TBC1D19: variants seen among roughly 807,000 people sequenced by gnomAD.
TBC1D19 encodes TBC1 domain family member 19.
TBC1D19 carries 60 observed loss-of-function variants against 89.0 expected under a neutral mutation model. That is an observed-to-expected ratio of 0.67 (90% CI 0.55 to 0.84). TBC1D19 has a LOEUF of 0.84. Ranked by LOEUF, TBC1D19 falls within the 40% of genes least tolerant of loss-of-function variation. The probability of loss-of-function intolerance (pLI) is 0.00; values close to 1 mark genes in which losing one functional copy is unlikely to be tolerated. For synonymous variants in TBC1D19, 189 were observed against 199.7 expected, an observed-to-expected ratio of 0.95 and a Z score of 0.45; for missense variants, 500 against 610.8, an observed-to-expected ratio of 0.82 and a Z score of 1.91.
the TBC1D19 span, among the ~76,000 whole-genome samples, chr4:26,856,987 A>G: frequency 0.28 from 43,175 of 152,108 alleles, 6,267 homozygotes; most frequent in East Asian, 0.4. Context: ...CAAGACACTT[A>G]AAAAGACTTC....
chr4:26,692,358 A>G (rs1158489577), intron 13 of TBC1D19, among the ~76,000 whole-genome samples: 1 of 152,184 alleles, frequency 6.6e-6, no homozygotes, highest in African/African-American at 2.4e-5. Flanking sequence ...GGCCAAAAAT[A>G]CTAGGGCCTC....
chr4:26,601,918 T>C lies in TBC1D19; in HGVS notation c.100-11251T>C, dbSNP rs184866858. On this transcript the variant is annotated intron_variant, in intron 1 of 20. Transcript: ENST00000264866. ...CGTTTTCCAGTTTCTTTAATTAGAATTGTTTCTTTTTCTATAGGAGGTACC... is the reference window on the plus strand; with the variant it reads ...CGTTTTCCAGTTTCTTTAATTAGAACTGTTTCTTTTTCTATAGGAGGTACC... 9.5e-4 allele frequency among the ~76,000 whole-genome samples: 145 copies of C among 152,320 alleles called. No individual in the cohort carries two copies. The Middle Eastern group carries it at 0.02, about 21-fold the overall frequency.
At chr4:26,630,510 G>C (rs186857394) in intron 4 of TBC1D19, among the ~76,000 whole-genome samples, 127 of 150,024 alleles carry the variant, frequency 8.5e-4, no homozygotes, top group African/African-American at 2.8e-3. Context: ...TTTTTTTTTG[G>C]CATTTCTTCT....
At chr4:26,711,565 C>T (rs530102963) in intron 13 of TBC1D19, among the ~76,000 whole-genome samples, 38 of 152,026 alleles carry the variant, frequency 2.5e-4, no homozygotes, top group South Asian at 6.2e-4. Context: ...TCTTTTGTGG[C>T]TATATGTAGA....
chr4:26,849,628 G>C, the TBC1D19 span, among the ~76,000 whole-genome samples: 1 of 152,174 alleles, frequency 6.6e-6, no homozygotes, highest in Non-Finnish European at 1.5e-5. Flanking sequence ...TTTAATCTCA[G>C]ACGCCCAGCA....
At chr4:26,640,466 A>G (rs1009384288) in intron 7 of TBC1D19, among the ~76,000 whole-genome samples, 1 of 152,188 alleles carries the variant, frequency 6.6e-6, no homozygotes, top group Non-Finnish European at 1.5e-5. Context: ...GAACAGGCCC[A>G]GTCTGCAGCT....
At chr4:26,720,853 C>A (rs1716927203) in intron 15 of TBC1D19, among the ~76,000 whole-genome samples, 1 of 152,044 alleles carries the variant, frequency 6.6e-6, no homozygotes, top group Non-Finnish European at 1.5e-5. Context: ...ATCATCTGTA[C>A]CATGTGGATA....
chr4:26,699,768 A>G (rs1205975856), intron 13 of TBC1D19, among the ~76,000 whole-genome samples: 2 of 152,054 alleles, frequency 1.3e-5, no homozygotes, highest in Non-Finnish European at 2.9e-5. Flanking sequence ...CAAGAACAAA[A>G]AACCAAACAC....
intron 11 of TBC1D19, among the ~76,000 whole-genome samples, chr4:26,683,446 C>T (rs1025026997): frequency 3.3e-5 from 5 of 152,166 alleles, no homozygotes; most frequent in Admixed American, 6.5e-5. Flanking sequence ...TTATAGTTAA[C>T]TTAGCAAATA....
chr4:26,615,323 A>G (rs1741614623), intron 3 of TBC1D19, among the ~76,000 whole-genome samples: 2 of 152,182 alleles, frequency 1.3e-5, no homozygotes, highest in African/African-American at 4.8e-5. Context: ...GTTACTTGTC[A>G]ATTACTTATT....
chr4:26,650,435 G>T (rs1275617155), intron 7 of TBC1D19, among the ~76,000 whole-genome samples: 3 of 152,122 alleles, frequency 2.0e-5, no homozygotes, highest in African/African-American at 7.2e-5. Flanking sequence ...TCTCATTGTG[G>T]TTTTGATTTG....
At chr4:26,643,240 G>T (rs1026505476) in intron 7 of TBC1D19, among the ~76,000 whole-genome samples, 2 of 152,178 alleles carry the variant, frequency 1.3e-5, no homozygotes, top group Non-Finnish European at 2.9e-5. Flanking sequence ...TCAGACCACA[G>T]TGCAATCAAA....
intron 12 of TBC1D19, among the ~76,000 whole-genome samples, chr4:26,684,788 G>T (rs1288974077): frequency 6.6e-6 from 1 of 152,084 alleles, no homozygotes; most frequent in Admixed American, 6.5e-5. Context: ...GTAGAACATG[G>T]CCAGGGGTAA....
chr4:26,638,328 A>C (rs553311683), intron 5 of TBC1D19, among the ~76,000 whole-genome samples: 1 of 150,120 alleles, frequency 6.7e-6, no homozygotes, highest in South Asian at 2.1e-4. Flanking sequence ...GGATACATTT[A>C]TATTAAAAAC....
chr4:26,851,667 T>C, the TBC1D19 span, among the ~76,000 whole-genome samples: 1 of 152,214 alleles, frequency 6.6e-6, no homozygotes, highest in Non-Finnish European at 1.5e-5. Context: ...AGTATTTCTA[T>C]GAGTAGTGAT....
At chr4:26,820,059 A>C in the TBC1D19 span, among the ~76,000 whole-genome samples, 1,753 of 152,300 alleles carry the variant, frequency 0.012, 22 homozygotes, top group Non-Finnish European at 0.017. Context: ...GACAATAATT[A>C]CATATAATTG....
At chr4:26,777,065 A>G in the TBC1D19 span, among the ~76,000 whole-genome samples, 1 of 150,406 alleles carries the variant, frequency 6.6e-6, no homozygotes, top group African/African-American at 2.4e-5. Flanking sequence ...TTTTGGTGTT[A>G]TTCTACAGGA....
the TBC1D19 span, among the ~76,000 whole-genome samples, chr4:26,853,574 G>A: frequency 6.6e-6 from 1 of 151,768 alleles, no homozygotes; most frequent in Non-Finnish European, 1.5e-5. Context: ...GTCTCGCTCC[G>A]TCGCCCAGGC....
At chr4:26,801,440 A>G in the TBC1D19 span, among the ~76,000 whole-genome samples, 2 of 152,122 alleles carry the variant, frequency 1.3e-5, no homozygotes, top group African/African-American at 4.8e-5. Flanking sequence ...GTCAGGTAGC[A>G]TGATGCCTCC....
Sources: allele counts gnomAD v4.1 joint callset (sites outside exome capture counted in the v4.1 genomes callset), GRCh38; gene constraint gnomAD v4.1.1; transcripts MANE v1.5; gene names NCBI Gene and HGNC (gene_info 2026-07-23, HGNC 2026-07-21).